Variants in FSTL4 observed in about 807,000 individuals in gnomAD.
FSTL4 encodes follistatin like 4.
FSTL4 carries 28 observed loss-of-function variants against 78.2 expected under a neutral mutation model. That is an observed-to-expected ratio of 0.36 (90% CI 0.27 to 0.49). FSTL4 has a LOEUF of 0.49. Among genes scored for constraint, FSTL4 ranks in the 20% least tolerant of loss-of-function variants. FSTL4 has a pLI of 0.98. For synonymous variants in FSTL4, 422 were observed against 440.5 expected, an observed-to-expected ratio of 0.96 and a Z score of 0.53; for missense variants, 922 against 1,084.9, an observed-to-expected ratio of 0.85 and a Z score of 2.11.
intron 2 of FSTL4, among the ~76,000 whole-genome samples, chr5:133,585,186 T>G (rs1165057712): frequency 2.6e-5 from 2 of 77,612 alleles, no homozygotes; most frequent in African/African-American, 9.2e-5. Context: ...CATGCCAAAA[T>G]GTAAAGACCA....
the FSTL4 span, among the ~76,000 whole-genome samples, chr5:133,622,141 A>G: frequency 3.3e-5 from 5 of 152,142 alleles, no homozygotes; most frequent in African/African-American, 1.2e-4. Context: ...TGTAAAGGGA[A>G]TCATACAACA....
chr5:133,537,743 A>C (rs1759378182), intron 3 of FSTL4, among the ~76,000 whole-genome samples: 1 of 151,772 alleles, frequency 6.6e-6, no homozygotes, highest in Non-Finnish European at 1.5e-5. Context: ...TTTATCTCAG[A>C]TTTAGCATTT....
chr5:133,709,852 T>G, the FSTL4 span, among the ~76,000 whole-genome samples: 1 of 152,236 alleles, frequency 6.6e-6, no homozygotes, highest in South Asian at 2.1e-4. Context: ...GAGATTAATA[T>G]TATTTTTATT....
chr5:133,495,362 C>G (rs562256971), intron 3 of FSTL4, among the ~76,000 whole-genome samples: 1 of 152,330 alleles, frequency 6.6e-6, no homozygotes, highest in African/African-American at 2.4e-5. Flanking sequence ...GGCAGGCACA[C>G]CCAGGAGGCA....
the FSTL4 span, among the ~76,000 whole-genome samples, chr5:133,756,604 C>T: frequency 6.6e-6 from 1 of 152,092 alleles, no homozygotes; most frequent in Admixed American, 6.5e-5. Flanking sequence ...GCATACCCCA[C>T]CTTGGTCTTC....
chr5:133,768,263 A>G, the FSTL4 span, among the ~76,000 whole-genome samples: 1 of 152,282 alleles, frequency 6.6e-6, no homozygotes, highest in East Asian at 1.9e-4. Flanking sequence ...GGATGTTGTT[A>G]TACCCCTATG....
chr5:133,705,863 A>ACACATG, the FSTL4 span, among the ~76,000 whole-genome samples: 5 of 134,950 alleles, frequency 3.7e-5, no homozygotes, highest in African/African-American at 1.3e-4. Context: ...GCGCGCACAC[A>ACACATG]CACACGCACA....
At chr5:133,314,796 G>A (rs565455029) in intron 5 of FSTL4, among the ~76,000 whole-genome samples, 24 of 152,128 alleles carry the variant, frequency 1.6e-4, no homozygotes, top group African/African-American at 3.9e-4. Flanking sequence ...GAGGATGGTC[G>A]AAAGATTTAA....
intron 13 of FSTL4, 21 bp from the exon 14 acceptor site, chr5:133,210,319 T>C (rs371621610): frequency 2.0e-4 from 272 of 1,369,644 alleles, no homozygotes; most frequent in Admixed American, 2.5e-4. Context: ...AATAGTGACA[T>C]GTTGTGAAAG....
chr5:133,449,044 G>C (rs1010379900), intron 3 of FSTL4, among the ~76,000 whole-genome samples: 1 of 152,024 alleles, frequency 6.6e-6, no homozygotes, highest in African/African-American at 2.4e-5. Context: ...ATATAGACAG[G>C]GGTTGAAAGG....
chr5:133,627,303 T>A, the FSTL4 span, among the ~76,000 whole-genome samples: 2 of 152,122 alleles, frequency 1.3e-5, no homozygotes, highest in Non-Finnish European at 2.9e-5. Context: ...GGCACAATCA[T>A]GGCAGAAGAG....
chr5:133,316,184 C>T (rs2126891697), intron 5 of FSTL4, among the ~76,000 whole-genome samples: 1 of 152,306 alleles, frequency 6.6e-6, no homozygotes, highest in Middle Eastern at 3.4e-3. Flanking sequence ...TGCTGAGTAA[C>T]TAATCCTACT....
At chr5:133,492,005 G>A (rs546791442) in intron 3 of FSTL4, among the ~76,000 whole-genome samples, 19 of 152,194 alleles carry the variant, frequency 1.2e-4, no homozygotes, top group Middle Eastern at 3.4e-3. Context: ...CTACTGAACT[G>A]CAATCTACTG....
intron 3 of FSTL4, among the ~76,000 whole-genome samples, chr5:133,546,422 C>T (rs1759573378): frequency 6.8e-6 from 1 of 146,732 alleles, no homozygotes; most frequent in Non-Finnish European, 1.5e-5. Context: ...AGGAGAATTG[C>T]TTGAGCCCAG....
intron 3 of FSTL4, among the ~76,000 whole-genome samples, chr5:133,518,235 A>G (rs1350283121): frequency 6.6e-6 from 1 of 152,264 alleles, no homozygotes; most frequent in Non-Finnish European, 1.5e-5. Flanking sequence ...AAATACTTGC[A>G]AAATGTTTGC....
chr5:133,321,252 C>CA (rs1754043420), intron 4 of FSTL4, among the ~76,000 whole-genome samples: 1 of 152,110 alleles, frequency 6.6e-6, no homozygotes, highest in Non-Finnish European at 1.5e-5. Context: ...GCTATTCACC[C>CA]AAATCTCCAC....
chr5:133,532,625 C>T (rs1196511520), intron 3 of FSTL4, among the ~76,000 whole-genome samples: 3 of 152,222 alleles, frequency 2.0e-5, no homozygotes, highest in African/African-American at 7.2e-5. Flanking sequence ...CAGAACCAGG[C>T]CTTATCTACC....
chr5:133,385,059 G>A (rs572238933), intron 4 of FSTL4, among the ~76,000 whole-genome samples: 2 of 152,052 alleles, frequency 1.3e-5, no homozygotes, highest in East Asian at 1.9e-4. Context: ...CCGTTGTCGC[G>A]CTCCCCACCC....
At chr5:133,829,858 C>T in the FSTL4 span, among the ~76,000 whole-genome samples, 2 of 152,170 alleles carry the variant, frequency 1.3e-5, no homozygotes, top group African/African-American at 4.8e-5. Context: ...AGCTTCCCTC[C>T]ACCCTCACAG....
Sources: gnomAD v4.1 joint callset for allele counts (sites outside exome capture counted in the v4.1 genomes callset) on GRCh38, gnomAD v4.1.1 for gene constraint, MANE v1.5 for transcripts, NCBI Gene and HGNC (gene_info 2026-07-23, HGNC 2026-07-21) for gene names.